The following CEP85 variants were observed in gnomAD, a reference collection of about 807,000 sequenced individuals.
CEP85 encodes the protein centrosomal protein 85.
In CEP85, 58 loss-of-function variants were observed where a neutral mutation model predicts 93.7. The observed-to-expected ratio is 0.62, with a 90% CI of 0.50 to 0.77. The LOEUF (loss-of-function observed/expected upper bound fraction) is 0.77. Among genes scored for constraint, CEP85 ranks in the 30% least tolerant of loss-of-function variants. The probability of loss-of-function intolerance (pLI) is 0.00; values close to 1 mark genes in which losing one functional copy is unlikely to be tolerated. For missense variants in CEP85, 868 were observed against 922.0 expected, an observed-to-expected ratio of 0.94 and a Z score of 0.76; for synonymous variants, 314 against 338.6, an observed-to-expected ratio of 0.93 and a Z score of 0.80.
chr1:26,256,194 T>G (rs988256374), intron 4 of CEP85, among the ~76,000 whole-genome samples: 3 of 152,198 alleles, frequency 2.0e-5, no homozygotes, highest in Non-Finnish European at 2.9e-5. Flanking sequence ...ACTTACCAGG[T>G]TCTTAGACTA....
Position 26,259,810 on chromosome 1 carries a change from G to A in CEP85, c.1341+8G>A. 1.9e-6 allele frequency: 3 copies of A among 1,604,796 alleles called. No homozygotes were observed. The highest frequency in any genetic ancestry group is 2.6e-6 in the Non-Finnish European group (3 of 1,175,600). ...AAGAAACAGGAAGAAAGGGTGAGCT[G>A]AGTAGCTGATAGCCCTAGTTCACAA... On this transcript the variant is annotated splice_region_variant and intron_variant, in intron 7 of 13. Coordinates refer to ENST00000451429, the MANE Select transcript of CEP85 (RefSeq NM_001319944.2).
At chr1:26,240,897 C>CA (rs1003410675) in intron 2 of CEP85, among the ~76,000 whole-genome samples, 1,178 of 115,650 alleles carry the variant, frequency 0.01, 16 homozygotes, top group African/African-American at 0.032. Context: ...GACTGTGTCT[C>CA]AAAAAAAAAA....
At chr1:26,253,368 C>T (rs1256099143) in intron 3 of CEP85, among the ~76,000 whole-genome samples, 1 of 151,240 alleles carries the variant, frequency 6.6e-6, no homozygotes, top group Non-Finnish European at 1.5e-5. Context: ...TCTGCATCCT[C>T]TCCAAACTTG....
chr1:26,247,581 G>C (rs965997978), intron 3 of CEP85, among the ~76,000 whole-genome samples: 4 of 151,988 alleles, frequency 2.6e-5, no homozygotes, highest in Non-Finnish European at 4.4e-5. Flanking sequence ...AAAAAAAGAG[G>C]GTAGTGGGGA....
chr1:26,247,970 A>C (rs928523900), intron 3 of CEP85, among the ~76,000 whole-genome samples: 1 of 152,130 alleles, frequency 6.6e-6, no homozygotes, highest in African/African-American at 2.4e-5. Flanking sequence ...CCCTAGAGTT[A>C]ATTTTGATAG....
intron 3 of CEP85, among the ~76,000 whole-genome samples, chr1:26,250,939 T>TC (rs2089601571): frequency 7.6e-6 from 1 of 131,330 alleles, no homozygotes; most frequent in East Asian, 2.2e-4. Flanking sequence ...TTTCTTTTTT[T>TC]TTTTTTTTTT....
intron 7 of CEP85, among the ~76,000 whole-genome samples, chr1:26,266,657 C>G (rs2089899327): frequency 6.6e-6 from 1 of 152,210 alleles, no homozygotes; most frequent in South Asian, 2.1e-4. Context: ...ACTGTTATAT[C>G]TTTGGATTAA....
chr1:26,263,159 A>G (rs773701957), intron 7 of CEP85: 1 of 240,984 alleles, frequency 4.1e-6, no homozygotes, highest in Non-Finnish European at 8.4e-6. Context: ...ACATCTCTAG[A>G]CAAGTGCTCC....
intron 7 of CEP85, among the ~76,000 whole-genome samples, chr1:26,261,284 C>T (rs892199789): frequency 2.0e-5 from 3 of 151,458 alleles, no homozygotes; most frequent in African/African-American, 7.3e-5. Flanking sequence ...ACCAGCCTGA[C>T]CAACATGGAG....
rs1450408033 is a variant in CEP85 at position 26,257,681 on chromosome 1, T to G, written c.988T>G (p.Leu330Val). ...ILEPAQWISI[L>V]NSNEHLLKEK... Reference sequence around the variant, plus strand: ...AGAGCCAGCACAGTGGATCAGCATCTTGAACAGTAATGAACACCTTCTGAA... The same window carrying G: ...AGAGCCAGCACAGTGGATCAGCATCGTGAACAGTAATGAACACCTTCTGAA... Residue 330 changes from leucine (L) to valine (V), a missense_variant, in exon 5 of 14, where the codon TTG becomes GTG. Coordinates refer to ENST00000451429, the MANE Select transcript of CEP85 (RefSeq NM_001319944.2). The G allele has an allele frequency of 6.2e-7, 1 of 1,614,176 alleles. No homozygotes were observed. The highest frequency in any genetic ancestry group is 2.2e-5 in the East Asian group (1 of 44,886).
chr1:26,246,486 C>T lies in CEP85; in HGVS notation c.208+2168C>T, dbSNP rs148976815. On this transcript the variant is annotated intron_variant, in intron 3 of 13. Transcript: ENST00000451429. The stretch of plus-strand genomic sequence containing the variant: ...TAGGGGCTGATGTCTATAATCCTAG[C>T]GCTTTGGGAGGCCAAGGCGGGTGGA... Among the ~76,000 whole-genome samples the T allele has an allele frequency of 3.0e-3, 455 of 152,214 alleles. 1 individual carries two copies. The highest frequency in any genetic ancestry group is 5.4e-3 in the Non-Finnish European group (370 of 68,002).
At position 26,277,790 on chromosome 1, in the gene CEP85, C is replaced by T. The variant is rs2090075146; in HGVS notation, c.*497C>T. 6.4e-6 allele frequency: 1 copy of T among 155,142 alleles called. No homozygotes were observed. The highest frequency in any genetic ancestry group is 1.4e-5 in the Non-Finnish European group (1 of 69,508). The allele number at this position is 155,142 out of a possible 1,614,324, so 9.6% of individuals were successfully genotyped here. A position where few individuals can be genotyped will look rare whatever the true frequency, so the allele number is the denominator to read the frequency against. ...ACTGAGCTGGCTTTCTGGGTTTTCT[C>T]ATGCCTGGTCTTACTGCTTCTTCCT... On this transcript the variant is annotated 3_prime_UTR_variant, in exon 14 of 14. Coordinates refer to ENST00000451429, the MANE Select transcript of CEP85 (RefSeq NM_001319944.2).
rs573449499 is a variant in CEP85 at position 26,248,722 on chromosome 1, CT to C, written c.208+4426del. Among the ~76,000 whole-genome samples, 389 of 56,152 alleles carry C rather than the reference CT, an allele frequency of 6.9e-3. 1 individual carries two copies. The highest frequency in any genetic ancestry group is 0.023 in the African/African-American group (281 of 12,330). 36.8% of individuals were successfully genotyped at this position (56,152 alleles called of 152,430 possible). A position where few individuals can be genotyped will look rare whatever the true frequency, so the allele number is the denominator to read the frequency against. ...TGTTGGCCAGTCTGGGTCTTGAACT[CT>C]TTTTTTTTTTTTTTTTTTTTTGAGA... is the stretch of plus-strand genomic sequence containing the variant. On this transcript the variant is annotated intron_variant, in intron 3 of 13. Transcript: ENST00000451429.
chr1:26,269,655 T>C lies in CEP85; in HGVS notation c.1649+41T>C, dbSNP rs1305201116. On this transcript the variant is annotated intron_variant, in intron 9 of 13. Coordinates refer to ENST00000451429, the MANE Select transcript of CEP85 (RefSeq NM_001319944.2). ...GGACTGAGAGGAGTGGAGAGTTAAG[T>C]TTTTTGTCATAGCCATCCTGCTCAC... The C allele has an allele frequency of 1.9e-6, 3 of 1,542,626 alleles. No individual in the cohort carries two copies. The South Asian group carries it at 3.5e-5, about 18-fold the overall frequency.
chr1:26,239,442 C>T (rs1159204752), intron 1 of CEP85, among the ~76,000 whole-genome samples: 1 of 152,062 alleles, frequency 6.6e-6, no homozygotes, highest in Non-Finnish European at 1.5e-5. Flanking sequence ...ACCTCTGCCT[C>T]CCGGGTTCAA....
chr1:26,269,163 A>G (rs1279348850), intron 8 of CEP85: 4 of 327,832 alleles, frequency 1.2e-5, no homozygotes, highest in Non-Finnish European at 2.3e-5. Flanking sequence ...GTTCCCTTTA[A>G]AATAGCCAAT....
At chr1:26,250,736 T>C (rs1016382654) in intron 3 of CEP85, among the ~76,000 whole-genome samples, 1 of 152,112 alleles carries the variant, frequency 6.6e-6, no homozygotes, top group African/African-American at 2.4e-5. Flanking sequence ...TAGTGTATTT[T>C]CTGTTACTGT....
rs1050602238 is a variant in CEP85, at chr1:26,258,390, G to T, written c.1155+130G>T. On this transcript the variant is annotated intron_variant, in intron 6 of 13. Coordinates refer to ENST00000451429, the MANE Select transcript of CEP85 (RefSeq NM_001319944.2). ...GTAAGTGTCCCTGCCCTCAAAGAGG[G>T]CATACTAATTATAAAGCACCCTTTA... The T allele has an allele frequency of 5.9e-6, 4 of 674,054 alleles. No homozygotes were observed. The African/African-American group carries it at 7.2e-5, about 12-fold the overall frequency. The allele number at this position is 674,054 out of a possible 1,614,324, so 41.8% of individuals were successfully genotyped here.
chr1:26,235,113 A>G (rs1240725540), intron 1 of CEP85, among the ~76,000 whole-genome samples: 4 of 152,240 alleles, frequency 2.6e-5, no homozygotes, highest in Admixed American at 6.5e-5. Context: ...TTTGTTCAAC[A>G]GTATATTCAA....
Sources: allele counts gnomAD v4.1 joint callset (sites outside exome capture counted in the v4.1 genomes callset), GRCh38; gene constraint gnomAD v4.1.1; transcripts MANE v1.5; gene names NCBI Gene and HGNC (gene_info 2026-07-23, HGNC 2026-07-21).